Variants in MYO5C observed in about 807,000 individuals in gnomAD.
MYO5C encodes the protein unconventional myosin-Vc.
Under a neutral mutation model 235.7 loss-of-function variants are expected in MYO5C, and 194 were observed. The ratio of observed to expected loss-of-function variants is 0.82; its 90% CI spans 0.73 to 0.93. MYO5C has a LOEUF of 0.93. MYO5C is among the 40% of genes least tolerant of loss of function. The pLI is 0.00. For synonymous variants in MYO5C, 707 were observed against 754.8 expected (o/e 0.94, Z 1.04); for missense variants, 2,038 against 2,127.2 (o/e 0.96, Z 0.82).
intron 38 of MYO5C, among the ~76,000 whole-genome samples, chr15:52,203,580 A>G (rs1047805194): frequency 7.9e-5 from 12 of 152,188 alleles, no homozygotes; most frequent in African/African-American, 2.9e-4. Context: ...TCCTGACCTC[A>G]GGTGATCCAC....
chr15:52,280,340 G>A (rs2037139480), intron 2 of MYO5C, among the ~76,000 whole-genome samples: 2 of 152,220 alleles, frequency 1.3e-5, no homozygotes, highest in Non-Finnish European at 2.9e-5. Flanking sequence ...CCTGGGCCAA[G>A]GAATTTTCCC....
chr15:52,211,630 T>A (rs757067600), intron 35 of MYO5C, 100 bp downstream of exon 35: 22 of 1,300,370 alleles, frequency 1.7e-5, no homozygotes, highest in African/African-American at 4.4e-5. Flanking sequence ...AGGAATCATG[T>A]GGCTCACCAC....
At chr15:52,291,800 G>A (rs1278621444) in intron 1 of MYO5C, among the ~76,000 whole-genome samples, 14 of 132,566 alleles carry the variant, frequency 1.1e-4, no homozygotes, top group South Asian at 4.9e-4. Context: ...GTGCAGCGGC[G>A]CGATCTCGGC....
intron 23 of MYO5C, among the ~76,000 whole-genome samples, chr15:52,234,298 G>C (rs2036030305): frequency 6.6e-6 from 1 of 152,200 alleles, no homozygotes; most frequent in Admixed American, 6.5e-5. Flanking sequence ...ACAAAACACT[G>C]TTTGCCATGT....
At chr15:52,286,977 TAACAAACAAACA>T (rs10622518) in intron 1 of MYO5C, among the ~76,000 whole-genome samples, 2 of 139,836 alleles carry the variant, frequency 1.4e-5, no homozygotes, top group Non-Finnish European at 3.1e-5. Context: ...AAAGAAAAAC[TAACAAACAAACA>T]AACAAACAAA....
At chr15:52,278,638 A>G (rs909794021) in intron 4 of MYO5C, among the ~76,000 whole-genome samples, 3 of 152,230 alleles carry the variant, frequency 2.0e-5, no homozygotes, top group African/African-American at 7.2e-5. Flanking sequence ...CCAGACTGGT[A>G]GGACTGACTT....
intron 11 of MYO5C, among the ~76,000 whole-genome samples, chr15:52,255,962 C>T (rs1227975894): frequency 6.6e-6 from 1 of 152,042 alleles, no homozygotes; most frequent in African/African-American, 2.4e-5. Context: ...AGGAAGGTAC[C>T]ATATATGTCT....
At chr15:52,249,813 A>T (rs1371553318) in intron 13 of MYO5C, among the ~76,000 whole-genome samples, 2 of 152,206 alleles carry the variant, frequency 1.3e-5, no homozygotes, top group Non-Finnish European at 2.9e-5. Context: ...CCAAAGGAAG[A>T]TGTGCTGAGC....
At chr15:52,273,820 G>C (rs1022101143) in intron 5 of MYO5C, among the ~76,000 whole-genome samples, 1 of 152,048 alleles carries the variant, frequency 6.6e-6, no homozygotes, top group Non-Finnish European at 1.5e-5. Context: ...TACAGAGTAG[G>C]GAGGATTAAA....
At chr15:52,237,722 T>G (rs2036121618) in intron 21 of MYO5C, 76 bp from the exon 22 acceptor site, 3 of 1,423,370 alleles carry the variant, frequency 2.1e-6, no homozygotes, top group South Asian at 1.3e-5. Flanking sequence ...TCATAGCCTT[T>G]GACACAGCAT....
At position 52,223,652 on chromosome 15, in the gene MYO5C, C is replaced by CA; in HGVS notation, c.3518dup (p.Val1174GlyfsTer19). ...GGTTGATTTCTTGACTGAGATGCAC[C>CA]ACTTTGAAGTTCAAAGCTTCAATCT... is the stretch of plus-strand genomic sequence containing the variant. On this transcript the variant is annotated frameshift_variant, in exon 29 of 41. Transcript: ENST00000261839. LOFTEE classifies it high-confidence loss of function. 6.2e-7 allele frequency: 1 copy of CA among 1,614,142 alleles called. No individual in the cohort carries two copies. Among genetic ancestry groups the CA allele is most frequent in the South Asian group, 1.1e-5 (1 of 91,074 alleles).
At chr15:52,249,168 C>G (rs924016320) in intron 13 of MYO5C, among the ~76,000 whole-genome samples, 1 of 152,200 alleles carries the variant, frequency 6.6e-6, no homozygotes, top group East Asian at 1.9e-4. Flanking sequence ...AAACAGACAT[C>G]GTTTCCTAAA....
chr15:52,292,733 C>T (rs1002736639), intron 1 of MYO5C, among the ~76,000 whole-genome samples: 1 of 152,236 alleles, frequency 6.6e-6, no homozygotes, highest in African/African-American at 2.4e-5. Context: ...GAGCTGTTAC[C>T]AGGCAATATG....
intron 14 of MYO5C, 108 bp downstream of exon 14, chr15:52,248,586 TCACACA>T (rs35030676): frequency 9.3e-6 from 6 of 646,726 alleles, no homozygotes; most frequent in East Asian, 5.9e-5. Context: ...TCCAGAGAGT[TCACACA>T]CACACACACA....
intron 7 of MYO5C, among the ~76,000 whole-genome samples, chr15:52,270,586 A>G (rs2036897111): frequency 6.6e-6 from 1 of 151,370 alleles, no homozygotes; most frequent in African/African-American, 2.4e-5. Context: ...CTCTACATAT[A>G]TATGTATATA....
chr15:52,243,778 G>A (rs1207682617), intron 19 of MYO5C, among the ~76,000 whole-genome samples: 1 of 152,250 alleles, frequency 6.6e-6, no homozygotes, highest in Non-Finnish European at 1.5e-5. Context: ...TGGCAGGGTT[G>A]TGTGGACTCT....
rs189004593 is a variant in MYO5C at position 52,223,630 on chromosome 15, T to A, written c.3541A>T (p.Asn1181Tyr). ...TCTCTGAATAACTTCTGCAGGTGGT[T>A]GATTTCTTGACTGAGATGCACCACT... ...FKVVHLSQEI[N>Y]HLQKLFREEN... Residue 1181 changes from asparagine (N) to tyrosine (Y), a missense_variant, in exon 29 of 41, where the codon AAC (asparagine) becomes TAC (tyrosine). Physicochemically the swap from Asn to Tyr is moderately radical, Grantham distance 143 (BLOSUM62 -2). Coordinates refer to ENST00000261839, the MANE Select transcript of MYO5C (RefSeq NM_018728.4). The A allele has an allele frequency of 5.6e-6, 9 of 1,614,202 alleles. No individual in the cohort carries two copies. The East Asian group carries it at 2.0e-4, about 36-fold the overall frequency.
Position 52,214,680 on chromosome 15 carries a change from T to C in MYO5C, c.3965A>G (p.Glu1322Gly). 1 of 1,604,056 alleles carries C rather than the reference T, an allele frequency of 6.2e-7. No individual in the cohort carries two copies. The highest frequency in any genetic ancestry group is 8.5e-7 in the Non-Finnish European group (1 of 1,174,776). Residue 1322 changes from glutamate (E) to glycine (G), a missense_variant, in exon 33 of 41, where the codon GAA becomes GGA. By Grantham distance (98) the Glu-to-Gly change is moderately conservative. Transcript: ENST00000261839. ...RLTLENRDLE[E>G]ELDMKDRVIK... ...CACTCTGTCTTTCATGTCTAATTCT[T>C]CTTCAAGATCCTACAGCAATAAAAA...
intron 32 of MYO5C, 100 bp from the exon 33 acceptor site, chr15:52,214,790 G>A (rs1021250192): frequency 1.0e-4 from 68 of 651,306 alleles, no homozygotes; most frequent in Non-Finnish European, 1.4e-4. Flanking sequence ...TTTGCATACC[G>A]TACAACTCAC....
Sources: gnomAD v4.1 joint callset for allele counts (sites outside exome capture counted in the v4.1 genomes callset) on GRCh38, gnomAD v4.1.1 for gene constraint, MANE v1.5 for transcripts, NCBI Gene and HGNC (gene_info 2026-07-23, HGNC 2026-07-21) for gene names.